The following PPARA variants were observed in gnomAD, a reference collection of about 807,000 sequenced individuals.
PPARA encodes peroxisome proliferator activated receptor alpha.
In PPARA, 22 loss-of-function variants were observed where a neutral mutation model predicts 42.2. That is an observed-to-expected ratio of 0.52 (90% CI 0.37 to 0.74). PPARA has a LOEUF of 0.74. PPARA is among the 30% of genes least tolerant of loss of function. PPARA has a pLI of 0.00. For missense variants in PPARA, 465 were observed against 608.2 expected, an observed-to-expected ratio of 0.76 and a Z score of 2.48; for synonymous variants, 242 against 239.3, an observed-to-expected ratio of 1.01 and a Z score of -0.10.
chr22:46,152,920 AC>A (rs1924666547), intron 2 of PPARA, among the ~76,000 whole-genome samples: 1 of 152,138 alleles, frequency 6.6e-6, no homozygotes, highest in African/African-American at 2.4e-5. Context: ...CCTTGTCTCT[AC>A]AAAAAAATAG....
In PPARA at chr22:46,196,809, G is replaced by A. The variant is rs551756798; in HGVS notation, c.-42-1533G>A. Among the ~76,000 whole-genome samples the A allele has an allele frequency of 1.3e-5, 2 of 152,028 alleles. No individual in the cohort carries two copies. Among genetic ancestry groups the A allele is most frequent in the African/African-American group, 2.4e-5 (1 of 41,390 alleles). ...GCGACCTCAGCTCACCGCAACCTCCGCCTCCCATGTTCAAGCGGTTCTCCT... is the reference window on the plus strand; with the variant it reads ...GCGACCTCAGCTCACCGCAACCTCCACCTCCCATGTTCAAGCGGTTCTCCT... On this transcript the variant is annotated intron_variant, in intron 3 of 8. Transcript: ENST00000407236. This position sits in a 1 kb window ranked among gnomAD's most constrained non-coding sequence, Gnocchi z 5.6.
At chr22:46,207,368 G>A (rs749753463) in intron 4 of PPARA, among the ~76,000 whole-genome samples, 4 of 134,864 alleles carry the variant, frequency 3.0e-5, no homozygotes, top group African/African-American at 5.6e-5. Flanking sequence ...TGCACGCTCC[G>A]CCTCCCAGGT....
At chr22:46,199,882 C>T (rs1165451104) in intron 4 of PPARA, among the ~76,000 whole-genome samples, 1 of 152,038 alleles carries the variant, frequency 6.6e-6, no homozygotes, top group Admixed American at 6.6e-5. Context: ...GTCACCATGC[C>T]GGGCTAATTT....
rs1439875118 is a variant in PPARA, at chr22:46,180,876, G to T, written c.-43+4040G>T. Among the ~76,000 whole-genome samples the T allele has an allele frequency of 3.9e-5, 6 of 152,182 alleles. No individual in the cohort carries two copies. The highest frequency in any genetic ancestry group is 7.3e-5 in the Non-Finnish European group (5 of 68,030). On this transcript the variant is annotated intron_variant, in intron 3 of 8. Transcript: ENST00000407236. The surrounding 1 kb of genome is among the most constrained non-coding windows in gnomAD (Gnocchi z 4.2). ...TGGAACTGGAGCCCGGGTCGAGGGA[G>T]ACCTGGGACCTTTGGTGCCAATGGG...
intron 3 of PPARA, among the ~76,000 whole-genome samples, chr22:46,177,481 A>C (rs1328069885): frequency 6.6e-6 from 1 of 150,848 alleles, no homozygotes; most frequent in Non-Finnish European, 1.5e-5. Context: ...AAAAAAAAAA[A>C]ATCGATAGTA....
In PPARA at chr22:46,167,489, A is replaced by C. The variant is rs1245077063; in HGVS notation, c.-126-9264A>C. Among the ~76,000 whole-genome samples the C allele has an allele frequency of 6.7e-6, 1 of 149,786 alleles. No individual in the cohort carries two copies. The highest frequency in any genetic ancestry group is 1.5e-5 in the Non-Finnish European group (1 of 67,920). ...CAACATAGCGAAACACCGTCTCTAC[A>C]AAAAAATGAAAAAATTAGTTGAGCA... On this transcript the variant is annotated intron_variant, in intron 2 of 8. Transcript: ENST00000407236. The surrounding 1 kb of genome is among the most constrained non-coding windows in gnomAD (Gnocchi z 4.1).
chr22:46,183,624 C>T lies in PPARA; in HGVS notation c.-43+6788C>T, dbSNP rs2086390664. Among the ~76,000 whole-genome samples the T allele has an allele frequency of 2.0e-5, 3 of 152,118 alleles. No homozygotes were observed. The highest frequency in any genetic ancestry group is 1.3e-4 in the Admixed American group (2 of 15,282). ...AGGCATGGTGGCATGTGCCTGTAGT[C>T]CCAGTTACCCGGGAGGCTGAGGTGG... On this transcript the variant is annotated intron_variant, in intron 3 of 8. Coordinates refer to ENST00000407236, the MANE Select transcript of PPARA (RefSeq NM_005036.6). The surrounding 1 kb of genome is among the most constrained non-coding windows in gnomAD (Gnocchi z 5.5).
Position 46,180,956 on chromosome 22 carries a change from G to A in PPARA, c.-43+4120G>A, listed in dbSNP as rs1021663408. ...CTCCTGCATCCCGGTGTCCTTCCTA[G>A]ACAGCACAACGGAACCTATAAAGGG... On this transcript the variant is annotated intron_variant, in intron 3 of 8. Transcript: ENST00000407236. The surrounding 1 kb of genome is among the most constrained non-coding windows in gnomAD (Gnocchi z 4.2). Among the ~76,000 whole-genome samples the A allele has an allele frequency of 7.2e-5, 11 of 152,142 alleles. No homozygotes were observed. Among genetic ancestry groups the A allele is most frequent in the Admixed American group, 7.2e-4 (11 of 15,272 alleles).
chr22:46,225,949 GCACA>G lies in PPARA; in HGVS notation c.712-5838_712-5835del, dbSNP rs1935404922. Among the ~76,000 whole-genome samples, 1 of 150,074 alleles carries G rather than the reference GCACA, an allele frequency of 6.7e-6. No individual in the cohort carries two copies. The highest frequency in any genetic ancestry group is 1.5e-5 in the Non-Finnish European group (1 of 67,422). ...TGCATGCTCACACACATGCACCCAG[GCACA>G]CACAAATCCACATTCACCCATACAG... On this transcript the variant is annotated intron_variant, in intron 7 of 8. Coordinates refer to ENST00000407236, the MANE Select transcript of PPARA (RefSeq NM_005036.6). The surrounding 1 kb of genome is among the most constrained non-coding windows in gnomAD (Gnocchi z 4.1).
In PPARA at chr22:46,232,308, G is replaced by A. The variant is rs1028903132; in HGVS notation, c.1159+69G>A. ...CTCCTGTCTTGAAAAATTTGACAAT[G>A]GGAAATCCAGTACCAGCCTGAGCTG... On this transcript the variant is annotated intron_variant, in intron 8 of 8. Transcript: ENST00000407236. This position sits in a 1 kb window ranked among gnomAD's most constrained non-coding sequence, Gnocchi z 5.3. 5 of 1,514,832 alleles carry A rather than the reference G, an allele frequency of 3.3e-6. No homozygotes were observed. The highest frequency in any genetic ancestry group is 3.4e-4 in the Middle Eastern group (2 of 5,916). The allele number at this position is 1,514,832 out of a possible 1,614,324, so 93.8% of individuals were successfully genotyped here. A position where few individuals can be genotyped will look rare whatever the true frequency, so the allele number is the denominator to read the frequency against.
intron 7 of PPARA, among the ~76,000 whole-genome samples, chr22:46,226,895 G>A (rs1935504373): frequency 6.6e-6 from 1 of 152,052 alleles, no homozygotes; most frequent in South Asian, 2.1e-4. Flanking sequence ...AAAAAAAGTT[G>A]AGCAAGGAGA....
chr22:46,203,059 A>G lies in PPARA; in HGVS notation c.208+4468A>G, dbSNP rs550846052. ...CCTTTAAAGTGGCAAGCGGGTGATA[A>G]CCCATTTCTTATTTCCCCCTCAGCA... On this transcript the variant is annotated intron_variant, in intron 4 of 8. Coordinates refer to ENST00000407236, the MANE Select transcript of PPARA (RefSeq NM_005036.6). This position sits in a 1 kb window ranked among gnomAD's most constrained non-coding sequence, Gnocchi z 5.8. 1.3e-5 allele frequency among the ~76,000 whole-genome samples: 2 copies of G among 152,132 alleles called. No homozygotes were observed. Among genetic ancestry groups the G allele is most frequent in the African/African-American group, 4.8e-5 (2 of 41,534 alleles).
chr22:46,206,498 G>A, intron 4 of PPARA, among the ~76,000 whole-genome samples: 1 of 152,100 alleles, frequency 6.6e-6, no homozygotes, highest in East Asian at 1.9e-4. Flanking sequence ...TTTAGTAGTT[G>A]CTTTAGGGTT....
At position 46,200,867 on chromosome 22, in the gene PPARA, T is replaced by G. The variant is rs537179762; in HGVS notation, c.208+2276T>G. Among the ~76,000 whole-genome samples the G allele has an allele frequency of 6.6e-6, 1 of 152,102 alleles. No individual in the cohort carries two copies. The highest frequency in any genetic ancestry group is 6.5e-5 in the Admixed American group (1 of 15,268). On this transcript the variant is annotated intron_variant, in intron 4 of 8. Coordinates refer to ENST00000407236, the MANE Select transcript of PPARA (RefSeq NM_005036.6). The surrounding 1 kb of genome is among the most constrained non-coding windows in gnomAD (Gnocchi z 4.8). ...TGAACCCAGGAGGCAGAGGTTGCAG[T>G]GAGCAGAGATCATGCCACTGTACTC...
Position 46,227,340 on chromosome 22 carries a change from C to G in PPARA, c.712-4452C>G, listed in dbSNP as rs553811946. Among the ~76,000 whole-genome samples the G allele has an allele frequency of 6.5e-4, 99 of 152,282 alleles. No individual in the cohort carries two copies. Among genetic ancestry groups the G allele is most frequent in the East Asian group, 2.1e-3 (11 of 5,192 alleles). On this transcript the variant is annotated intron_variant, in intron 7 of 8. Transcript: ENST00000407236. This position sits in a 1 kb window ranked among gnomAD's most constrained non-coding sequence, Gnocchi z 4.3. ...AATCTCAGCTCACTGCAACCTCCCC[C>G]TCCTGGGTTCAAGCGATTCTCCTGC...
rs141332367 is a variant in PPARA at position 46,242,189 on chromosome 22, C to A, written c.*6809C>A. On this transcript the variant is annotated 3_prime_UTR_variant, in exon 9 of 9. Transcript: ENST00000407236. The surrounding 1 kb of genome is among the most constrained non-coding windows in gnomAD (Gnocchi z 6.1). The stretch of plus-strand genomic sequence containing the variant: ...GGCCCCCAGTCCACGCAGCCTGGCT[C>A]CTAGGAAAAGTGGTGACCGGGCGTG... 3,548 of 152,346 alleles carry A rather than the reference C, an allele frequency of 0.023. 70 individuals carry two copies. Among genetic ancestry groups the A allele is most frequent in the Non-Finnish European group, 0.037 (2,522 of 68,022 alleles). 9.4% of individuals were successfully genotyped at this position (152,346 alleles called of 1,614,324 possible). A position where few individuals can be genotyped will look rare whatever the true frequency, so the allele number is the denominator to read the frequency against.
In PPARA at chr22:46,187,775, T is replaced by C. The variant is rs890238322; in HGVS notation, c.-42-10567T>C. Among the ~76,000 whole-genome samples the C allele has an allele frequency of 2.0e-5, 3 of 152,204 alleles. No homozygotes were observed. Among genetic ancestry groups the C allele is most frequent in the East Asian group, 1.9e-4 (1 of 5,194 alleles). ...ACCTCTTGCCACTTCTCCCTTGAGG[T>C]AGATCAAAAATGGTCACAAGTTCTT... is the stretch of plus-strand genomic sequence containing the variant. On this transcript the variant is annotated intron_variant, in intron 3 of 8. Transcript: ENST00000407236. The surrounding 1 kb of genome is among the most constrained non-coding windows in gnomAD (Gnocchi z 4.9).
At chr22:46,199,757 T>C (rs1180793473) in intron 4 of PPARA, among the ~76,000 whole-genome samples, 1 of 152,160 alleles carries the variant, frequency 6.6e-6, no homozygotes, top group East Asian at 1.9e-4. Flanking sequence ...AGTTTTGCTC[T>C]TGTTGCCCAG....
rs1389161768 is a variant in PPARA at position 46,196,849 on chromosome 22, AG to A, written c.-42-1492del. Among the ~76,000 whole-genome samples the A allele has an allele frequency of 2.0e-5, 3 of 152,094 alleles. No homozygotes were observed. The highest frequency in any genetic ancestry group is 7.2e-5 in the African/African-American group (3 of 41,404). The stretch of plus-strand genomic sequence containing the variant: ...GCGGTTCTCCTGCCTCAACCTCCTG[AG>A]TAGCTGGGATTACAGGTGCCTGCCA... On this transcript the variant is annotated intron_variant, in intron 3 of 8. Transcript: ENST00000407236. This position sits in a 1 kb window ranked among gnomAD's most constrained non-coding sequence, Gnocchi z 5.6.
Sources: gnomAD v4.1 joint callset for allele counts (sites outside exome capture counted in the v4.1 genomes callset) on GRCh38, gnomAD v4.1.1 for gene constraint, Gnocchi (gnomAD v3.1) non-coding constraint, MANE v1.5 for transcripts, NCBI Gene and HGNC (gene_info 2026-07-23, HGNC 2026-07-21) for gene names.